The following PCDHGA4 variants were observed in gnomAD, a reference collection of about 807,000 sequenced individuals.
PCDHGA4 encodes protocadherin gamma subfamily A, 4.
Under a neutral mutation model 54.6 loss-of-function variants are expected in PCDHGA4, and 38 were observed. That is an observed-to-expected ratio of 0.70 (90% CI 0.54 to 0.91). PCDHGA4 has a LOEUF of 0.91. PCDHGA4 is among the 40% of genes least tolerant of loss of function. The pLI is 0.00. For synonymous variants in PCDHGA4, 511 were observed against 512.9 expected (o/e 1.00, Z 0.05); for missense variants, 1,298 against 1,220.9 (o/e 1.06, Z -0.94).
chr5:141,418,081 C>T lies in PCDHGA4; in HGVS notation c.2514+60460C>T, dbSNP rs190197904. On this transcript the variant is annotated intron_variant, in intron 1 of 3. Transcript: ENST00000571252. Reference sequence around the variant, plus strand: ...TGCGAGTGAGCGCGGAGAAGCTGCACTTCAGCGTAGACGCGCAGAGCGGGG... The same window carrying T: ...TGCGAGTGAGCGCGGAGAAGCTGCATTTCAGCGTAGACGCGCAGAGCGGGG... 331 of 1,614,072 alleles carry T rather than the reference C, an allele frequency of 2.1e-4. 3 individuals are homozygous for T. The African/African-American group carries it at 4.0e-3, about 19-fold the overall frequency.
chr5:141,438,789 G>C (rs970735448), intron 1 of PCDHGA4, among the ~76,000 whole-genome samples: 23 of 149,578 alleles, frequency 1.5e-4, no homozygotes, highest in African/African-American at 5.4e-4. Flanking sequence ...AGCCTCTCCA[G>C]TAGCTGGGAT....
At chr5:141,400,777 T>G (rs2094073733) in intron 1 of PCDHGA4, 1 of 565,634 alleles carries the variant, frequency 1.8e-6, no homozygotes. Context: ...ATTTGGTGCG[T>G]TTTTTTGTCC....
At chr5:141,426,937 C>T in intron 1 of PCDHGA4, 1 of 456,736 alleles carries the variant, frequency 2.2e-6, no homozygotes, top group Non-Finnish European at 4.4e-6. Flanking sequence ...ATGGGTGACC[C>T]AGTCCCAACT....
At chr5:141,419,665 C>T in intron 1 of PCDHGA4, 1 of 1,612,860 alleles carries the variant, frequency 6.2e-7, no homozygotes, top group East Asian at 2.2e-5. Flanking sequence ...GGCACAATGC[C>T]TGGCTGTCCT....
intron 1 of PCDHGA4, among the ~76,000 whole-genome samples, chr5:141,429,720 A>G (rs571388976): frequency 6.6e-6 from 1 of 152,340 alleles, no homozygotes; most frequent in South Asian, 2.1e-4. Context: ...TACGCTCATG[A>G]AAGTACGTAG....
chr5:141,470,444 A>G (rs970120314), intron 1 of PCDHGA4, among the ~76,000 whole-genome samples: 8 of 152,222 alleles, frequency 5.3e-5, no homozygotes, highest in African/African-American at 1.9e-4. Context: ...ATAATTTAAT[A>G]GCATCTTGAA....
At position 141,432,902 on chromosome 5, in the gene PCDHGA4, A is replaced by C. The variant is rs992417865; in HGVS notation, c.2515-61905A>C. The C allele has an allele frequency of 1.2e-6, 2 of 1,614,028 alleles. No homozygotes were observed. The highest frequency in any genetic ancestry group is 2.7e-5 in the African/African-American group (2 of 74,924). On this transcript the variant is annotated intron_variant, in intron 1 of 3. Coordinates refer to ENST00000571252, the MANE Select transcript of PCDHGA4 (RefSeq NM_018917.4). The surrounding 1 kb of genome is among the most constrained non-coding windows in gnomAD (Gnocchi z 6.0). ...CTTCGTCATCTTGCTGCTGGCGCTCAGGCTGCGGCGCTGGCACAAGTCACG... is the reference window on the plus strand; with the variant it reads ...CTTCGTCATCTTGCTGCTGGCGCTCCGGCTGCGGCGCTGGCACAAGTCACG...
intron 1 of PCDHGA4, chr5:141,400,717 G>A: frequency 1.5e-6 from 1 of 672,320 alleles, no homozygotes; most frequent in Non-Finnish European, 2.5e-6. Context: ...TAGCCTTATA[G>A]ATTTACAAAG....
Position 141,485,181 on chromosome 5 carries a change from G to C in PCDHGA4, c.2515-9626G>C. 1 of 1,612,942 alleles carries C rather than the reference G, an allele frequency of 6.2e-7. No individual in the cohort carries two copies. Among genetic ancestry groups the C allele is most frequent in the East Asian group, 2.2e-5 (1 of 44,868 alleles). On this transcript the variant is annotated intron_variant, in intron 1 of 3. Transcript: ENST00000571252. This position sits in a 1 kb window ranked among gnomAD's most constrained non-coding sequence, Gnocchi z 5.7. ...AATTAGCGGGCGGCAGCAATGCTCC[G>C]CAAGGTGAGAAGCTGGACAGAAATC...
At chr5:141,382,663 G>T (rs1236015442) in intron 1 of PCDHGA4, 1 of 419,258 alleles carries the variant, frequency 2.4e-6, no homozygotes, top group African/African-American at 2.0e-5. Context: ...GACTCACAGC[G>T]CCGCTGTTCA....
chr5:141,439,773 C>G (rs1323463060), intron 1 of PCDHGA4: 2 of 152,344 alleles, frequency 1.3e-5, no homozygotes, highest in East Asian at 3.9e-4. Flanking sequence ...TCCTTCTTGG[C>G]TGGAGATTCT....
intron 1 of PCDHGA4, among the ~76,000 whole-genome samples, chr5:141,359,492 G>A (rs1040893615): frequency 4.0e-5 from 6 of 149,576 alleles, no homozygotes; most frequent in East Asian, 1.9e-4. Context: ...TTCATATTAC[G>A]GACTACTAGA....
At chr5:141,383,879 G>A (rs1196711965) in intron 1 of PCDHGA4, 2 of 1,613,862 alleles carry the variant, frequency 1.2e-6, no homozygotes, top group Non-Finnish European at 1.7e-6. Flanking sequence ...GGTCCTGGTA[G>A]TCTGACAAAG....
At position 141,476,294 on chromosome 5, in the gene PCDHGA4, A is replaced by T. The variant is rs376905832; in HGVS notation, c.2515-18513A>T. On this transcript the variant is annotated intron_variant, in intron 1 of 3. Coordinates refer to ENST00000571252, the MANE Select transcript of PCDHGA4 (RefSeq NM_018917.4). The surrounding 1 kb of genome is among the most constrained non-coding windows in gnomAD (Gnocchi z 7.6). ...CGCGAACCTTGGTTTGGATCTCGGT[A>T]GCCTCTCAGCCCGCAGGTTCCGGGT... is the stretch of plus-strand genomic sequence containing the variant. 2 of 1,613,036 alleles carry T rather than the reference A, an allele frequency of 1.2e-6. No homozygotes were observed. The highest frequency in any genetic ancestry group is 1.7e-6 in the Non-Finnish European group (2 of 1,179,642).
Position 141,489,802 on chromosome 5 carries a change from G to A in PCDHGA4, c.2515-5005G>A, listed in dbSNP as rs2099692541. On this transcript the variant is annotated intron_variant, in intron 1 of 3. Transcript: ENST00000571252. The surrounding 1 kb of genome is among the most constrained non-coding windows in gnomAD (Gnocchi z 4.5). ...TCTGAATGTGAAGACCCTAAAAGAT[G>A]GGAAGCCATTCCCAGAGCTGGTGCT... is the stretch of plus-strand genomic sequence containing the variant. 6.2e-7 allele frequency: 1 copy of A among 1,614,042 alleles called. No homozygotes were observed. The highest frequency in any genetic ancestry group is 1.1e-5 in the South Asian group (1 of 91,088).
At chr5:141,484,621 T>C (rs2099598239) in intron 1 of PCDHGA4, among the ~76,000 whole-genome samples, 1 of 152,058 alleles carries the variant, frequency 6.6e-6, no homozygotes, top group Admixed American at 6.6e-5. Flanking sequence ...CAACACTGGC[T>C]TGAACAAAGT....
At position 141,511,345 on chromosome 5, in the gene PCDHGA4, T is replaced by C; in HGVS notation, c.*172T>C. ...AAGTGCCCAGTCAGCACCTACCCCT[T>C]CCCCCCCAGGGGGTTGAATATGCAA... On this transcript the variant is annotated 3_prime_UTR_variant, in exon 4 of 4. Transcript: ENST00000571252. The C allele has an allele frequency of 1.4e-6, 2 of 1,410,502 alleles. No homozygotes were observed. The highest frequency in any genetic ancestry group is 9.4e-7 in the Non-Finnish European group (1 of 1,060,676). 87.4% of individuals were successfully genotyped at this position (1,410,502 alleles called of 1,614,324 possible).
Position 141,431,530 on chromosome 5 carries a change from G to A in PCDHGA4, c.2515-63277G>A. On this transcript the variant is annotated intron_variant, in intron 1 of 3. Transcript: ENST00000571252. The surrounding 1 kb of genome is among the most constrained non-coding windows in gnomAD (Gnocchi z 4.8). ...CGAGCGTTCCGGAGAATCTGGCCTT[G>A]GGCACGCAGCTGCTTGTAGTCAACG... 3 of 1,614,072 alleles carry A rather than the reference G, an allele frequency of 1.9e-6. No homozygotes were observed. In the South Asian group the frequency reaches 3.3e-5, roughly 18 times the overall value.
At chr5:141,484,877 G>T in intron 1 of PCDHGA4, 1 of 338,660 alleles carries the variant, frequency 3.0e-6, no homozygotes, top group Non-Finnish European at 5.4e-6. Context: ...GTGGAGGATA[G>T]GGTGGGCTTT....
Sources: allele counts gnomAD v4.1 joint callset (sites outside exome capture counted in the v4.1 genomes callset), GRCh38; gene constraint gnomAD v4.1.1; non-coding constraint Gnocchi (gnomAD v3.1); transcripts MANE v1.5; gene names NCBI Gene and HGNC (gene_info 2026-07-23, HGNC 2026-07-21).